KLHL3: variants seen among roughly 807,000 people sequenced by gnomAD.
KLHL3 encodes kelch-like protein 3.
A neutral mutation model predicts 70.5 loss-of-function variants in KLHL3; 19 were observed. That is an observed-to-expected ratio of 0.27 (90% confidence interval 0.19 to 0.40). The LOEUF (loss-of-function observed/expected upper bound fraction) is 0.40. KLHL3 is among the 10% of genes least tolerant of loss of function. KLHL3 has a pLI of 1.00. For missense variants in KLHL3, 512 were observed against 771.1 expected (o/e 0.66, Z 3.98); for synonymous variants, 258 against 290.3 (o/e 0.89, Z 1.13).
chr5:137,734,470 C>T (rs964353013), intron 1 of KLHL3, among the ~76,000 whole-genome samples: 1 of 152,222 alleles, frequency 6.6e-6, no homozygotes, highest in Admixed American at 6.5e-5. Flanking sequence ...AAAAGAATGA[C>T]ACCCAATCAT....
At chr5:137,631,876 A>G (rs1750644665) in intron 12 of KLHL3, among the ~76,000 whole-genome samples, 1 of 152,206 alleles carries the variant, frequency 6.6e-6, no homozygotes, top group Non-Finnish European at 1.5e-5. Context: ...AGGTTAACTT[A>G]TAAAGTACTG....
At chr5:137,677,058 A>C (rs192629745) in intron 6 of KLHL3, among the ~76,000 whole-genome samples, 134 of 152,268 alleles carry the variant, frequency 8.8e-4, no homozygotes, top group Non-Finnish European at 1.6e-3. Context: ...TTCTCTAAAG[A>C]GTCTAGAATG....
intron 3 of KLHL3, among the ~76,000 whole-genome samples, chr5:137,701,537 T>C (rs546807686): frequency 6.6e-5 from 10 of 152,304 alleles, no homozygotes; most frequent in Admixed American, 2.6e-4. Flanking sequence ...GACAAGTTAG[T>C]ACTTAATACC....
chr5:137,658,184 G>A lies in KLHL3; in HGVS notation c.850C>T (p.Leu284=), dbSNP rs1751389737. 29 of 1,613,916 alleles carry A rather than the reference G, an allele frequency of 1.8e-5. No homozygotes were observed. The highest frequency in any genetic ancestry group is 2.5e-5 in the Non-Finnish European group (29 of 1,179,944). Residue 284 remains leucine, a synonymous_variant, in exon 8 of 15, where the codon CTA becomes TTA. Coordinates refer to ENST00000309755, the MANE Select transcript of KLHL3 (RefSeq NM_017415.3). ...TTGGTCCTTGGGTTCTTAATCAATA[G>A]TCTCTGATCCAGAGGGAGGAGATGG... ...KYHLLPLDQR[L]LIKNPRTKPR... is the part of the protein sequence containing the mutation.
intron 6 of KLHL3, among the ~76,000 whole-genome samples, chr5:137,669,858 C>T (rs924317811): frequency 6.6e-6 from 1 of 152,158 alleles, no homozygotes; most frequent in Non-Finnish European, 1.5e-5. Context: ...GAATTCAATC[C>T]GGGCAGCTGA....
chr5:137,692,768 G>A, intron 4 of KLHL3: 1 of 281,084 alleles, frequency 3.6e-6, no homozygotes, highest in Admixed American at 4.7e-5. Context: ...AAGAACTCAA[G>A]TGATGCTTGC....
Position 137,662,046 on chromosome 5 carries a change from A to G in KLHL3, c.637-15T>C. On this transcript the variant is annotated splice_polypyrimidine_tract_variant and intron_variant, in intron 6 of 14. Transcript: ENST00000309755. Reference sequence around the variant, plus strand: ...GCTTCAAACACCTATAAAGAAAAGCAACATGGGCAACTTCAGTAAAGAGAC... The same window carrying G: ...GCTTCAAACACCTATAAAGAAAAGCGACATGGGCAACTTCAGTAAAGAGAC... 1 of 1,310,832 alleles carries G rather than the reference A, an allele frequency of 7.6e-7. No homozygotes were observed. The highest frequency in any genetic ancestry group is 1.5e-5 in the African/African-American group (1 of 68,582). The allele number at this position is 1,310,832 out of a possible 1,614,324, so 81.2% of individuals were successfully genotyped here. A position where few individuals can be genotyped will look rare whatever the true frequency, so the allele number is the denominator to read the frequency against.
chr5:137,662,534 T>C (rs1436769181), intron 6 of KLHL3, among the ~76,000 whole-genome samples: 1 of 152,224 alleles, frequency 6.6e-6, no homozygotes, highest in Non-Finnish European at 1.5e-5. Context: ...CAAAGCTGGC[T>C]GTGATGGTCA....
intron 5 of KLHL3, among the ~76,000 whole-genome samples, chr5:137,688,404 A>C (rs1752240161): frequency 2.0e-5 from 3 of 152,214 alleles, no homozygotes; most frequent in Admixed American, 1.3e-4. Flanking sequence ...AAGTCACCCG[A>C]CAGGGAAGAG....
At chr5:137,717,926 G>A (rs1752925565) in intron 2 of KLHL3, among the ~76,000 whole-genome samples, 1 of 152,144 alleles carries the variant, frequency 6.6e-6, no homozygotes. Context: ...TCTGGTATTA[G>A]AAAAGTGTTT....
chr5:137,683,955 G>C (rs748622055), intron 5 of KLHL3, among the ~76,000 whole-genome samples: 1 of 152,160 alleles, frequency 6.6e-6, no homozygotes, highest in Non-Finnish European at 1.5e-5. Context: ...GTGTCTGCAC[G>C]ACTGCCTCAT....
At chr5:137,722,011 T>G (rs562189369) in intron 1 of KLHL3, among the ~76,000 whole-genome samples, 1 of 152,304 alleles carries the variant, frequency 6.6e-6, no homozygotes, top group Admixed American at 6.5e-5. Context: ...AGCTTTGCTT[T>G]GCTACTAGGA....
intron 14 of KLHL3, 57 bp from the exon 15 acceptor site, chr5:137,622,183 C>T: frequency 6.4e-7 from 1 of 1,571,726 alleles, no homozygotes; most frequent in Non-Finnish European, 8.8e-7. Flanking sequence ...TACTCAGAGT[C>T]CCAGTGAGTT....
At chr5:137,705,124 T>C (rs1435251136) in intron 3 of KLHL3, among the ~76,000 whole-genome samples, 2 of 152,238 alleles carry the variant, frequency 1.3e-5, no homozygotes, top group African/African-American at 4.8e-5. Flanking sequence ...CCACTTTGTC[T>C]AAGAAAAGAA....
intron 13 of KLHL3, among the ~76,000 whole-genome samples, chr5:137,627,861 C>A (rs1354121699): frequency 2.6e-5 from 4 of 152,196 alleles, no homozygotes; most frequent in Non-Finnish European, 5.9e-5. Context: ...AGGAAGGAGA[C>A]TGCTTTCAAG....
At chr5:137,730,728 T>C (rs931157563) in intron 1 of KLHL3, among the ~76,000 whole-genome samples, 1 of 152,216 alleles carries the variant, frequency 6.6e-6, no homozygotes, top group African/African-American at 2.4e-5. Flanking sequence ...CTCCTCATTA[T>C]GTGGCATTTT....
Position 137,639,989 on chromosome 5 carries a change from C to T in KLHL3, c.904-12G>A, listed in dbSNP as rs1211037733. On this transcript the variant is annotated splice_polypyrimidine_tract_variant and intron_variant, in intron 8 of 14. Transcript: ENST00000309755. This position sits in a 1 kb window ranked among gnomAD's most constrained non-coding sequence, Gnocchi z 5.0. ...ACCACAATCATGACCTCCGGAGAGA[C>T]AAGTGGACGTTAGCGGGGTCACCCC... 5 of 1,612,126 alleles carry T rather than the reference C, an allele frequency of 3.1e-6. No individual in the cohort carries two copies. Among genetic ancestry groups the T allele is most frequent in the Middle Eastern group, 1.6e-4 (1 of 6,076 alleles).
At chr5:137,642,978 C>T (rs181331506) in intron 8 of KLHL3, among the ~76,000 whole-genome samples, 3 of 152,206 alleles carry the variant, frequency 2.0e-5, no homozygotes, top group African/African-American at 7.2e-5. Flanking sequence ...CCACTCATCT[C>T]TGAGAATTTT....
chr5:137,618,893 T>TAAAA lies in KLHL3; in HGVS notation c.*3204_*3205insTTTT, dbSNP rs774186035. ...GCAGACTCCCTTGAATATGGTATTT[T>TAAAA]TAAAAAAAAAAAAAAGGCTCATCTA... On this transcript the variant is annotated 3_prime_UTR_variant, in exon 15 of 15. Transcript: ENST00000309755. 2 of 25,888 alleles carry TAAAA rather than the reference T, an allele frequency of 7.7e-5. 1 individual carries two copies. Among genetic ancestry groups the TAAAA allele is most frequent in the African/African-American group, 2.0e-4 (2 of 9,846 alleles). 1.6% of individuals were successfully genotyped at this position (25,888 alleles called of 1,614,324 possible).
Sources: gnomAD v4.1 joint callset for allele counts (sites outside exome capture counted in the v4.1 genomes callset) on GRCh38, gnomAD v4.1.1 for gene constraint, Gnocchi (gnomAD v3.1) non-coding constraint, MANE v1.5 for transcripts, NCBI Gene and HGNC (gene_info 2026-07-23, HGNC 2026-07-21) for gene names.